The following AHCTF1 variants were observed in gnomAD, a reference collection of about 807,000 sequenced individuals.
AHCTF1 encodes AT-hook containing transcription factor 1.
AHCTF1 carries 24 observed loss-of-function variants against 248.4 expected under a neutral mutation model. The observed-to-expected ratio is 0.10, with a 90% CI of 0.07 to 0.14. The LOEUF (loss-of-function observed/expected upper bound fraction) is 0.14. Ranked by LOEUF, AHCTF1 falls within the 10% of genes least tolerant of loss-of-function variation. The probability of loss-of-function intolerance (pLI) is 1.00; values close to 1 mark genes in which losing one functional copy is unlikely to be tolerated. For missense variants in AHCTF1, 2,206 were observed against 2,636.2 expected (o/e 0.84, Z 3.57); for synonymous variants, 786 against 929.8 (o/e 0.85, Z 2.81).
At chr1:246,861,341 G>C (rs778846926) in intron 28 of AHCTF1, 46 bp from the exon 29 acceptor site, 1 of 1,493,172 alleles carries the variant, frequency 6.7e-7, no homozygotes, top group Non-Finnish European at 9.1e-7. Context: ...AAATATCACA[G>C]TTAAGTCTAG....
intron 13 of AHCTF1, among the ~76,000 whole-genome samples, chr1:246,895,242 T>A (rs937003134): frequency 1.3e-5 from 2 of 152,182 alleles, no homozygotes; most frequent in Non-Finnish European, 2.9e-5. Flanking sequence ...AAGTCTTAAT[T>A]TTCTTGATTT....
intron 3 of AHCTF1, among the ~76,000 whole-genome samples, chr1:246,915,734 T>A (rs1010337741): frequency 6.6e-6 from 1 of 152,178 alleles, no homozygotes; most frequent in Non-Finnish European, 1.5e-5. Flanking sequence ...CCAAGACTAT[T>A]GTCGCAAATT....
intron 29 of AHCTF1, 91 bp from the exon 30 acceptor site, chr1:246,857,905 G>T: frequency 8.1e-7 from 1 of 1,231,608 alleles, no homozygotes; most frequent in Non-Finnish European, 1.1e-6. Context: ...AAGTTGTTGG[G>T]TCTGCTTTTT....
intron 1 of AHCTF1, among the ~76,000 whole-genome samples, chr1:246,923,562 G>C (rs1023754082): frequency 3.3e-5 from 5 of 152,192 alleles, no homozygotes; most frequent in African/African-American, 9.7e-5. Context: ...ATGGTAAAAA[G>C]CTATTTGGAT....
At chr1:246,876,565 T>C (rs540008984) in intron 23 of AHCTF1, among the ~76,000 whole-genome samples, 1 of 152,202 alleles carries the variant, frequency 6.6e-6, no homozygotes, top group East Asian at 1.9e-4. Context: ...GCACACAGAG[T>C]AAATGAAGAA....
Position 246,841,001 on chromosome 1 carries a change from G to GAAAAAA in AHCTF1, c.6609-9_6609-4dup. 6.4e-7 allele frequency: 1 copy of GAAAAAA among 1,568,808 alleles called. No homozygotes were observed. The highest frequency in any genetic ancestry group is 2.0e-5 in the Admixed American group (1 of 49,720). ...AAGCACTTTCTTTTTCTGTGTTTCT[G>GAAAAAA]AAAAAAAAAGATATGATCAAGTAAG... On this transcript the variant is annotated splice_polypyrimidine_tract_variant and splice_region_variant and intron_variant, in intron 35 of 35. Coordinates refer to ENST00000648844, the MANE Select transcript of AHCTF1 (RefSeq NM_001323342.2).
intron 26 of AHCTF1, among the ~76,000 whole-genome samples, chr1:246,867,032 C>T (rs1446123475): frequency 6.6e-6 from 1 of 152,140 alleles, no homozygotes; most frequent in Middle Eastern, 3.2e-3. Flanking sequence ...GTCCACTAAG[C>T]AGTCTGAAAT....
intron 4 of AHCTF1, among the ~76,000 whole-genome samples, chr1:246,910,809 C>G (rs910577507): frequency 3.9e-5 from 6 of 152,018 alleles, no homozygotes; most frequent in Admixed American, 6.5e-5. Flanking sequence ...CCACAACAAA[C>G]AGTTCACACA....
intron 1 of AHCTF1, among the ~76,000 whole-genome samples, chr1:246,920,086 G>A (rs528066384): frequency 1.4e-5 from 2 of 142,448 alleles, no homozygotes; most frequent in Non-Finnish European, 3.0e-5. Context: ...GTTGCAGTGA[G>A]CCGAGATTGT....
chr1:246,885,824 T>C (rs1663778210), intron 20 of AHCTF1, 144 bp from the exon 21 acceptor site: 1 of 743,060 alleles, frequency 1.3e-6, no homozygotes, highest in South Asian at 2.2e-5. Flanking sequence ...ATCTGTGCTA[T>C]ATAGAGTTGG....
intron 1 of AHCTF1, among the ~76,000 whole-genome samples, chr1:246,925,044 T>C (rs1666835356): frequency 6.6e-6 from 1 of 152,158 alleles, no homozygotes; most frequent in Non-Finnish European, 1.5e-5. Flanking sequence ...AATCACATTG[T>C]TACTATGTTG....
At chr1:246,909,605 C>G (rs1290326461) in intron 4 of AHCTF1, among the ~76,000 whole-genome samples, 1 of 151,974 alleles carries the variant, frequency 6.6e-6, no homozygotes. Flanking sequence ...TTAACAGCCT[C>G]AAAGCACAAG....
chr1:246,902,825 A>T, intron 7 of AHCTF1, 150 bp from the exon 8 acceptor site: 1 of 674,120 alleles, frequency 1.5e-6, no homozygotes, highest in Non-Finnish European at 2.2e-6. Flanking sequence ...AGGCTCTAAA[A>T]TTTTACATAC....
At position 246,878,562 on chromosome 1, in the gene AHCTF1, ATATT is replaced by A. The variant is rs1349650260; in HGVS notation, c.2661-1264_2661-1261del. Among the ~76,000 whole-genome samples, 16 of 152,322 alleles carry A rather than the reference ATATT, an allele frequency of 1.1e-4. 1 individual carries two copies. In the South Asian group the frequency reaches 1.2e-3, roughly 12 times the overall value. On this transcript the variant is annotated intron_variant, in intron 21 of 35. Coordinates refer to ENST00000648844, the MANE Select transcript of AHCTF1 (RefSeq NM_001323342.2). ...ACATTAACCAATAAAACTTGTTTAT[ATATT>A]TATTTAAGTAGAAAAGAAAAAGTTC...
chr1:246,914,046 A>G (rs1201812822), intron 3 of AHCTF1, among the ~76,000 whole-genome samples: 1 of 152,222 alleles, frequency 6.6e-6, no homozygotes, highest in African/African-American at 2.4e-5. Context: ...GACACTTAAC[A>G]AGAATTGCTA....
At chr1:246,916,464 T>C (rs1666154256) in intron 2 of AHCTF1, 69 bp from the exon 3 acceptor site, 5 of 1,367,248 alleles carry the variant, frequency 3.7e-6, no homozygotes, top group East Asian at 2.3e-5. Context: ...GGTTAGCTCA[T>C]TTACATACAA....
At chr1:246,869,116 T>C (rs186674151) in intron 24 of AHCTF1, among the ~76,000 whole-genome samples, 1 of 152,096 alleles carries the variant, frequency 6.6e-6, no homozygotes, top group Non-Finnish European at 1.5e-5. Flanking sequence ...AGTGCTGGAT[T>C]ACAGGCGTGA....
intron 21 of AHCTF1, among the ~76,000 whole-genome samples, chr1:246,881,138 A>C (rs1276953609): frequency 6.6e-6 from 1 of 152,238 alleles, no homozygotes; most frequent in African/African-American, 2.4e-5. Flanking sequence ...TAAAGTAAAA[A>C]GACTGGGGAA....
At chr1:246,879,999 T>C (rs895430042) in intron 21 of AHCTF1, among the ~76,000 whole-genome samples, 3 of 152,064 alleles carry the variant, frequency 2.0e-5, no homozygotes, top group Non-Finnish European at 4.4e-5. Flanking sequence ...GTTAGAAGGG[T>C]ATACGGTATG....
Sources: allele counts gnomAD v4.1 joint callset (sites outside exome capture counted in the v4.1 genomes callset), GRCh38; gene constraint gnomAD v4.1.1; transcripts MANE v1.5; gene names NCBI Gene and HGNC (gene_info 2026-07-23, HGNC 2026-07-21).